PCDHGA8: variants seen among roughly 807,000 people sequenced by gnomAD.
The protein encoded by PCDHGA8 is protocadherin gamma subfamily A, 8.
Under a neutral mutation model 59.2 loss-of-function variants are expected in PCDHGA8, and 45 were observed. The observed-to-expected ratio is 0.76, with a 90% confidence interval of 0.60 to 0.98. The LOEUF is 0.98. Ranked by LOEUF, PCDHGA8 falls within the 50% of genes least tolerant of loss-of-function variation. PCDHGA8 has a pLI of 0.00. For synonymous variants in PCDHGA8, 531 were observed against 519.0 expected (o/e 1.02, Z -0.32); for missense variants, 1,257 against 1,196.2 (o/e 1.05, Z -0.75).
At chr5:141,401,532 A>G (rs1461153273) in intron 1 of PCDHGA8, among the ~76,000 whole-genome samples, 2 of 152,260 alleles carry the variant, frequency 1.3e-5, no homozygotes, top group Non-Finnish European at 2.9e-5. Context: ...GAAGAAACTT[A>G]CAAAAAAAAG....
chr5:141,446,423 T>C (rs745968692), intron 1 of PCDHGA8, among the ~76,000 whole-genome samples: 1 of 152,152 alleles, frequency 6.6e-6, no homozygotes, highest in Non-Finnish European at 1.5e-5. Context: ...CATGTTCATT[T>C]GAAGGATCTG....
At position 141,399,286 on chromosome 5, in the gene PCDHGA8, C is replaced by T; in HGVS notation, c.2424+4049C>T. 3.1e-6 allele frequency: 5 copies of T among 1,613,858 alleles called. No individual in the cohort carries two copies. In the South Asian group the frequency reaches 5.5e-5, roughly 18 times the overall value. ...TAATTGTCAATTACAAGGCGAAGTCCCTTTTAAGATTATCTCTTCATCCAA... is the reference window on the plus strand; with the variant it reads ...TAATTGTCAATTACAAGGCGAAGTCTCTTTTAAGATTATCTCTTCATCCAA... On this transcript the variant is annotated intron_variant, in intron 1 of 3. Transcript: ENST00000398604.
intron 1 of PCDHGA8, chr5:141,409,901 C>T (rs1157563397): frequency 6.2e-7 from 1 of 1,613,264 alleles, no homozygotes; most frequent in East Asian, 2.2e-5. Flanking sequence ...GTACCCAGCT[C>T]TGGGTCCTGA....
chr5:141,403,969 T>C (rs1437416293), intron 1 of PCDHGA8: 2 of 1,613,808 alleles, frequency 1.2e-6, no homozygotes, highest in Non-Finnish European at 1.7e-6. Context: ...CGGTGGAAGA[T>C]GTAAATGACA....
chr5:141,421,679 C>A, intron 1 of PCDHGA8: 1 of 1,613,810 alleles, frequency 6.2e-7, no homozygotes, highest in East Asian at 2.2e-5. Flanking sequence ...ATTCCTGGGG[C>A]GCGATTTGCT....
At chr5:141,427,882 A>G (rs2097084180) in intron 1 of PCDHGA8, 3 of 1,563,878 alleles carry the variant, frequency 1.9e-6, no homozygotes, top group Non-Finnish European at 2.6e-6. Flanking sequence ...ATGCAGGCCC[A>G]CGACCAGGGC....
chr5:141,434,044 A>T (rs2097670450), intron 1 of PCDHGA8, among the ~76,000 whole-genome samples: 2 of 152,132 alleles, frequency 1.3e-5, no homozygotes, highest in South Asian at 4.1e-4. Flanking sequence ...TTTCTATTTT[A>T]TTCAATGGCC....
At chr5:141,460,435 A>G (rs1002182353) in intron 1 of PCDHGA8, among the ~76,000 whole-genome samples, 1 of 152,144 alleles carries the variant, frequency 6.6e-6, no homozygotes, top group Admixed American at 6.6e-5. Context: ...GTATGGTGTG[A>G]GGTAACAATG....
chr5:141,483,756 G>C (rs11739909), intron 1 of PCDHGA8, among the ~76,000 whole-genome samples: 24,641 of 152,020 alleles, frequency 0.16, 2,128 homozygotes, highest in African/African-American at 0.22. Context: ...GAGGATCGAG[G>C]CTTGGAAAAA....
At chr5:141,410,595 C>T (rs753833671) in intron 1 of PCDHGA8, 1 of 1,608,802 alleles carries the variant, frequency 6.2e-7, no homozygotes. Flanking sequence ...GAGGATTTGA[C>T]TTCACATCCT....
rs74792071 is a variant in PCDHGA8 at position 141,437,248 on chromosome 5, T to C, written c.2424+42011T>C. 4.6e-3 allele frequency among the ~76,000 whole-genome samples: 704 copies of C among 152,360 alleles called. 4 individuals carry two copies. The highest frequency in any genetic ancestry group is 0.015 in the African/African-American group (641 of 41,594). On this transcript the variant is annotated intron_variant, in intron 1 of 3. Transcript: ENST00000398604. ...CATAAAATTATGTCAAGGACTTTCC[T>C]TGTCTTTTTATGTGTATGACAGATG... is the stretch of plus-strand genomic sequence containing the variant.
Position 141,491,844 on chromosome 5 carries a change from G to A in PCDHGA8, c.2425-2963G>A. On this transcript the variant is annotated intron_variant, in intron 1 of 3. Transcript: ENST00000398604. The surrounding 1 kb of genome is among the most constrained non-coding windows in gnomAD (Gnocchi z 6.9). ...GCTCCACCCGATTCTCGGGATCATT[G>A]GACCGTTTGCGCGAAACCAGAGTGG... 1 of 1,464,184 alleles carries A rather than the reference G, an allele frequency of 6.8e-7. No homozygotes were observed. 90.7% of individuals were successfully genotyped at this position (1,464,184 alleles called of 1,614,324 possible).
chr5:141,445,115 A>G (rs1038787011), intron 1 of PCDHGA8, among the ~76,000 whole-genome samples: 1 of 152,308 alleles, frequency 6.6e-6, no homozygotes, highest in East Asian at 1.9e-4. Flanking sequence ...GTTATTGTAA[A>G]TAGTATTTTT....
At chr5:141,479,975 C>A (rs1459297521) in intron 1 of PCDHGA8, among the ~76,000 whole-genome samples, 1 of 152,186 alleles carries the variant, frequency 6.6e-6, no homozygotes, top group East Asian at 1.9e-4. Context: ...TGAGGTTCTA[C>A]CATTTACCAA....
intron 1 of PCDHGA8, chr5:141,478,523 G>T (rs2099461821): frequency 6.2e-7 from 1 of 1,609,908 alleles, no homozygotes; most frequent in Non-Finnish European, 8.5e-7. Context: ...GGTGTTGGGT[G>T]CAGAGAGCGC....
intron 1 of PCDHGA8, among the ~76,000 whole-genome samples, chr5:141,457,187 G>A (rs1314148733): frequency 1.3e-5 from 2 of 152,210 alleles, no homozygotes; most frequent in Admixed American, 1.3e-4. Flanking sequence ...ATAGTAGAGT[G>A]AGGAAAGCAG....
intron 2 of PCDHGA8, among the ~76,000 whole-genome samples, chr5:141,498,112 AG>A (rs947089103): frequency 2.0e-5 from 3 of 152,232 alleles, no homozygotes; most frequent in African/African-American, 7.2e-5. Flanking sequence ...GGCGTATAAT[AG>A]GGATTTGATT....
chr5:141,500,340 C>T (rs188966393), intron 2 of PCDHGA8, among the ~76,000 whole-genome samples: 1 of 151,950 alleles, frequency 6.6e-6, no homozygotes, highest in East Asian at 1.9e-4. Flanking sequence ...TCCAGAATAG[C>T]TGGGACTACA....
chr5:141,502,866 C>CTTTT (rs549047197), intron 2 of PCDHGA8, among the ~76,000 whole-genome samples: 3 of 128,028 alleles, frequency 2.3e-5, no homozygotes, highest in African/African-American at 6.2e-5. Flanking sequence ...GACTCTCTGT[C>CTTTT]TTTTTTTTTT....
Sources: gnomAD v4.1 joint callset for allele counts (sites outside exome capture counted in the v4.1 genomes callset) on GRCh38, gnomAD v4.1.1 for gene constraint, Gnocchi (gnomAD v3.1) non-coding constraint, MANE v1.5 for transcripts, NCBI Gene and HGNC (gene_info 2026-07-23, HGNC 2026-07-21) for gene names.